KCNT1: variants seen among roughly 807,000 people sequenced by gnomAD.
KCNT1 encodes potassium channel subfamily T member 1.
KCNT1 carries 78 observed loss-of-function variants against 147.8 expected under a neutral mutation model. The ratio of observed to expected loss-of-function variants is 0.53; its 90% CI spans 0.44 to 0.64. KCNT1 has a LOEUF of 0.64. Among genes scored for constraint, KCNT1 ranks in the 30% least tolerant of loss-of-function variants. The pLI, the probability that KCNT1 is intolerant of heterozygous loss-of-function variation, is 0.00. For missense variants in KCNT1, 1,419 were observed against 1,750.3 expected, an observed-to-expected ratio of 0.81 and a Z score of 3.38; for synonymous variants, 867 against 748.8, an observed-to-expected ratio of 1.16 and a Z score of -2.58.
chr9:135,775,717 T>C (rs577284408), intron 20 of KCNT1, among the ~76,000 whole-genome samples: 3 of 152,106 alleles, frequency 2.0e-5, no homozygotes, highest in African/African-American at 7.2e-5. Flanking sequence ...TCTACATGCG[T>C]TCCCAAAGAT....
At chr9:135,787,600 G>A (rs1427629945) in intron 29 of KCNT1, among the ~76,000 whole-genome samples, 1 of 152,240 alleles carries the variant, frequency 6.6e-6, no homozygotes, top group African/African-American at 2.4e-5. Flanking sequence ...GCTCACGGGT[G>A]ACTGGGCTGG....
chr9:135,757,162 A>G lies in KCNT1; in HGVS notation c.607A>G (p.Ile203Val), dbSNP rs777610977. The G allele has an allele frequency of 1.4e-6, 2 of 1,410,988 alleles. No homozygotes were observed. The highest frequency in any genetic ancestry group is 1.9e-6 in the Non-Finnish European group (2 of 1,060,714). The allele number at this position is 1,410,988 out of a possible 1,614,324, so 87.4% of individuals were successfully genotyped here. ...ACCCCCCGTTTGGCCCCAGGGCAAC[A>G]TCTGGGAGCAGATCTTCCGCGTGTC... Reference protein sequence around the residue: ...LLIYLSYKGNIWEQIFRVSFV... With the variant: ...LLIYLSYKGNVWEQIFRVSFV... The change falls in exon 8 of 31, where the codon ATC (isoleucine) becomes GTC (valine). Residue 203 changes from isoleucine to valine, a missense_variant. By Grantham distance (29) the Ile-to-Val change is conservative (BLOSUM62 3). Transcript: ENST00000371757.
chr9:135,735,388 C>T (rs1830292057), intron 2 of KCNT1, among the ~76,000 whole-genome samples: 1 of 152,208 alleles, frequency 6.6e-6, no homozygotes, highest in South Asian at 2.1e-4. Context: ...CCTCCCTCAG[C>T]ATGGGTGCTG....
intron 22 of KCNT1, 88 bp downstream of exon 22, chr9:135,778,583 T>C: frequency 3.8e-6 from 6 of 1,596,330 alleles, no homozygotes; most frequent in Non-Finnish European, 5.1e-6. Flanking sequence ...CGACCGCAGG[T>C]GGGGTGGGGG....
At chr9:135,706,395 G>A (rs145069009) in intron 1 of KCNT1, among the ~76,000 whole-genome samples, 491 of 152,340 alleles carry the variant, frequency 3.2e-3, no homozygotes, top group South Asian at 6.2e-3. Context: ...AATGTTTGCC[G>A]CATGGCCCAC....
At position 135,749,271 on chromosome 9, in the gene KCNT1, G is replaced by A. The variant is rs973140375; in HGVS notation, c.255-827G>A. Among the ~76,000 whole-genome samples the A allele has an allele frequency of 3.3e-5, 5 of 152,220 alleles. No individual in the cohort carries two copies. In the East Asian group the frequency reaches 7.7e-4, roughly 23 times the overall value. On this transcript the variant is annotated intron_variant, in intron 2 of 30. Coordinates refer to ENST00000371757, the MANE Select transcript of KCNT1 (RefSeq NM_020822.3). ...CTTGGTGGCCAGCCTGGGTCATGCAGGTGGCCACGGTAGGTGAGCCACGCA... is the reference window on the plus strand; with the variant it reads ...CTTGGTGGCCAGCCTGGGTCATGCAAGTGGCCACGGTAGGTGAGCCACGCA...
intron 2 of KCNT1, among the ~76,000 whole-genome samples, chr9:135,717,704 G>A (rs1399932104): frequency 2.0e-5 from 3 of 152,196 alleles, no homozygotes; most frequent in African/African-American, 4.8e-5. Context: ...GTAAGAGAGG[G>A]TGCCCTAGAG....
rs971044513 is a variant in KCNT1, at chr9:135,787,310, A to C, written c.3502+789A>C. Among the ~76,000 whole-genome samples, 9 of 152,216 alleles carry C rather than the reference A, an allele frequency of 5.9e-5. No individual in the cohort carries two copies. The East Asian group carries it at 1.5e-3, about 26-fold the overall frequency. ...TACATGCCCTGCCTGGCGTGGAGAG[A>C]AGCTCATCCCCTCCCTCACTCTAGA... is the stretch of plus-strand genomic sequence containing the variant. On this transcript the variant is annotated intron_variant, in intron 29 of 30. Coordinates refer to ENST00000371757, the MANE Select transcript of KCNT1 (RefSeq NM_020822.3).
At chr9:135,755,312 C>T (rs1831412067) in intron 6 of KCNT1, 143 bp downstream of exon 6, 4 of 615,998 alleles carry the variant, frequency 6.5e-6, no homozygotes, top group Non-Finnish European at 1.1e-5. Context: ...AGAACAAACC[C>T]AGGCTCAGTG....
At chr9:135,756,136 G>T (rs907505902) in intron 6 of KCNT1, among the ~76,000 whole-genome samples, 3 of 150,576 alleles carry the variant, frequency 2.0e-5, no homozygotes, top group Non-Finnish European at 4.4e-5. Context: ...GGCTCAGTAA[G>T]TAGGGAACCC....
rs563013809 is a variant in KCNT1 at position 135,771,941 on chromosome 9, AC to A, written c.2009-773del. ...CACGCCCACCCTGGGGTGTTGTTAC[AC>A]GGTGGCTGCTGGGGCACCAGGTGGT... On this transcript the variant is annotated intron_variant, in intron 18 of 30. Transcript: ENST00000371757. Among the ~76,000 whole-genome samples, 10 of 152,208 alleles carry A rather than the reference AC, an allele frequency of 6.6e-5. No homozygotes were observed. In the South Asian group the frequency reaches 1.7e-3, roughly 25 times the overall value.
In KCNT1 at chr9:135,753,817, GCCCC is replaced by G; in HGVS notation, c.435-119_435-116del. ...TGTTAGAGCTCTGATGTGGGGGTTAGCCCCGGGTGGGTGAGTAGGAGGCCCCCAT... is the reference window on the plus strand; with the variant it reads ...TGTTAGAGCTCTGATGTGGGGGTTAGGGGTGGGTGAGTAGGAGGCCCCCAT... On this transcript the variant is annotated intron_variant, in intron 4 of 30. Coordinates refer to ENST00000371757, the MANE Select transcript of KCNT1 (RefSeq NM_020822.3). 6 of 976,904 alleles carry G rather than the reference GCCCC, an allele frequency of 6.1e-6. No individual in the cohort carries two copies. The Middle Eastern group carries it at 1.3e-3, about 208-fold the overall frequency. The allele number at this position is 976,904 out of a possible 1,614,324, so 60.5% of individuals were successfully genotyped here. A position where few individuals can be genotyped will look rare whatever the true frequency, so the allele number is the denominator to read the frequency against.
In KCNT1 at chr9:135,730,699, G is replaced by C. The variant is rs1836394213; in HGVS notation, c.254+15979G>C. ...CCGGGATGGTGTGCTTAAAACACTT[G>C]TGTTGGCCGGGTACGGTGGCTCACA... On this transcript the variant is annotated intron_variant, in intron 2 of 30. Transcript: ENST00000371757. The surrounding 1 kb of genome is among the most constrained non-coding windows in gnomAD (Gnocchi z 4.7). Among the ~76,000 whole-genome samples, 1 of 152,136 alleles carries C rather than the reference G, an allele frequency of 6.6e-6. No individual in the cohort carries two copies. The highest frequency in any genetic ancestry group is 1.5e-5 in the Non-Finnish European group (1 of 68,030).
chr9:135,711,392 C>T (rs1321162637), intron 1 of KCNT1, among the ~76,000 whole-genome samples: 1 of 152,218 alleles, frequency 6.6e-6, no homozygotes, highest in Non-Finnish European at 1.5e-5. Context: ...CTGGACCTGG[C>T]CCCCACCCCA....
chr9:135,710,814 T>G (rs1039606791), intron 1 of KCNT1, among the ~76,000 whole-genome samples: 1 of 152,198 alleles, frequency 6.6e-6, no homozygotes, highest in African/African-American at 2.4e-5. Flanking sequence ...CGCTCTTGAT[T>G]GGCGGCGATT....
At position 135,753,220 on chromosome 9, in the gene KCNT1, C is replaced by T. The variant is rs115670115; in HGVS notation, c.435-717C>T. Among the ~76,000 whole-genome samples, 569 of 152,158 alleles carry T rather than the reference C, an allele frequency of 3.7e-3. 2 individuals carry two copies. The highest frequency in any genetic ancestry group is 0.013 in the African/African-American group (551 of 41,504). Reference sequence around the variant, plus strand: ...GATACTTCTGTGGGCACTTAGTTTGCAACAACCCCATTAAAAATCAGGGGA... The same window carrying T: ...GATACTTCTGTGGGCACTTAGTTTGTAACAACCCCATTAAAAATCAGGGGA... On this transcript the variant is annotated intron_variant, in intron 4 of 30. Transcript: ENST00000371757.
At chr9:135,733,572 ACACCTGCCCCCACACCTGCCTTTG>A (rs1173386540) in intron 2 of KCNT1, among the ~76,000 whole-genome samples, 26 of 40,454 alleles carry the variant, frequency 6.4e-4, no homozygotes, top group Middle Eastern at 0.012. Flanking sequence ...ACCTGCCCTC[ACACCTGCCCCCACACCTGCCTTTG>A]CACCTGCCCC....
At chr9:135,709,282 C>T (rs539595259) in intron 1 of KCNT1, among the ~76,000 whole-genome samples, 9 of 152,332 alleles carry the variant, frequency 5.9e-5, no homozygotes, top group African/African-American at 1.7e-4. Flanking sequence ...CACGCAGGCT[C>T]ACAGAGACCT....
chr9:135,745,272 C>CCCCACGGGAG (rs1830769431), intron 2 of KCNT1, among the ~76,000 whole-genome samples: 1 of 152,180 alleles, frequency 6.6e-6, no homozygotes, highest in African/African-American at 2.4e-5. Context: ...GTGGGCGGCT[C>CCCCACGGGAG]CCCACGGGAG....
Sources: allele counts gnomAD v4.1 joint callset (sites outside exome capture counted in the v4.1 genomes callset), GRCh38; gene constraint gnomAD v4.1.1; non-coding constraint Gnocchi (gnomAD v3.1); transcripts MANE v1.5; gene names NCBI Gene and HGNC (gene_info 2026-07-23, HGNC 2026-07-21).